Variants in SNX29 observed in about 807,000 individuals in gnomAD.
SNX29 encodes sorting nexin-29.
In SNX29, 78 loss-of-function variants were observed where a neutral mutation model predicts 102.1. The ratio of observed to expected loss-of-function variants is 0.76; its 90% CI spans 0.64 to 0.92. SNX29 has a LOEUF of 0.92. Among genes scored for constraint, SNX29 ranks in the 40% least tolerant of loss-of-function variants. The pLI, the probability that SNX29 is intolerant of heterozygous loss-of-function variation, is 0.00. For missense variants in SNX29, 1,280 were observed against 1,061.7 expected (o/e 1.21, Z -2.86); for synonymous variants, 580 against 414.5 (o/e 1.40, Z -4.85).
At chr16:12,362,553 TCCCC>T (rs1199911670) in intron 16 of SNX29, among the ~76,000 whole-genome samples, 1 of 11,052 alleles carries the variant, frequency 9.0e-5, no homozygotes, top group Non-Finnish European at 2.1e-4. Context: ...GCTGCTGCAC[TCCCC>T]CCCCACCCCC....
chr16:11,992,404 C>G (rs532694446), intron 1 of SNX29, among the ~76,000 whole-genome samples: 1 of 118,032 alleles, frequency 8.5e-6, no homozygotes, highest in South Asian at 2.5e-4. Flanking sequence ...GAGCAATCAG[C>G]CCTCTATCTA....
chr16:12,428,583 G>C (rs1300173310), intron 18 of SNX29, among the ~76,000 whole-genome samples: 1 of 151,980 alleles, frequency 6.6e-6, no homozygotes, highest in Admixed American at 6.6e-5. Context: ...TCTCCTCCTA[G>C]TTAGTCCCAA....
intron 13 of SNX29, among the ~76,000 whole-genome samples, chr16:12,178,166 A>C (rs1329300640): frequency 6.6e-6 from 1 of 152,182 alleles, no homozygotes; most frequent in Non-Finnish European, 1.5e-5. Context: ...CTGCAGGCTC[A>C]AGGGGACAAG....
intron 13 of SNX29, among the ~76,000 whole-genome samples, chr16:12,156,651 C>A (rs1307841907): frequency 6.6e-6 from 1 of 152,236 alleles, no homozygotes; most frequent in Non-Finnish European, 1.5e-5. Context: ...GTGCTGAGAG[C>A]CGTGTTTTGT....
intron 16 of SNX29, among the ~76,000 whole-genome samples, chr16:12,357,218 A>G (rs777890849): frequency 6.6e-6 from 1 of 152,182 alleles, no homozygotes; most frequent in Non-Finnish European, 1.5e-5. Context: ...AGGGTGAACA[A>G]TTATCCGTCA....
At chr16:12,200,613 G>T (rs1334981323) in intron 14 of SNX29, among the ~76,000 whole-genome samples, 4 of 152,030 alleles carry the variant, frequency 2.6e-5, no homozygotes, top group African/African-American at 4.8e-5. Context: ...CTCCCAAATA[G>T]CTGGGATTAC....
At chr16:12,562,119 G>C (rs751855513) in intron 20 of SNX29, among the ~76,000 whole-genome samples, 2 of 152,172 alleles carry the variant, frequency 1.3e-5, no homozygotes, top group Admixed American at 1.3e-4. Context: ...TCACTCTCCT[G>C]TGTGACCCCA....
At chr16:12,005,991 A>G (rs535012568) in intron 3 of SNX29, among the ~76,000 whole-genome samples, 3 of 152,256 alleles carry the variant, frequency 2.0e-5, no homozygotes, top group Admixed American at 6.5e-5. Context: ...TTAAAAAGTT[A>G]ATTCTTTCTG....
At chr16:12,073,922 A>G (rs1349606665) in intron 10 of SNX29, among the ~76,000 whole-genome samples, 2 of 151,972 alleles carry the variant, frequency 1.3e-5, no homozygotes, top group Non-Finnish European at 1.5e-5. Context: ...CCATTATGTA[A>G]TGGCCTTCTT....
chr16:12,001,791 G>T (rs1035787803), intron 2 of SNX29, among the ~76,000 whole-genome samples: 4 of 152,128 alleles, frequency 2.6e-5, no homozygotes, highest in African/African-American at 9.7e-5. Context: ...GTTGGGGCAG[G>T]AGGATATCTT....
chr16:12,297,138 C>G (rs949394688), intron 15 of SNX29: 1 of 152,334 alleles, frequency 6.6e-6, no homozygotes, highest in South Asian at 2.1e-4. Context: ...GGTTAGGGGT[C>G]GGAGGCTGGA....
intron 14 of SNX29, among the ~76,000 whole-genome samples, chr16:12,225,392 G>A (rs143604471): frequency 2.0e-5 from 3 of 152,166 alleles, no homozygotes; most frequent in South Asian, 2.1e-4. Context: ...TCATGGGAGC[G>A]GGTCTTTCCC....
At chr16:12,567,369 A>AAC (rs2079055484) in intron 20 of SNX29, among the ~76,000 whole-genome samples, 3 of 152,162 alleles carry the variant, frequency 2.0e-5, no homozygotes, top group Admixed American at 2.0e-4. Flanking sequence ...CTTGTTTTAA[A>AAC]ACATTTTATC....
At chr16:12,539,732 A>G (rs1279577370) in intron 20 of SNX29, among the ~76,000 whole-genome samples, 1 of 152,200 alleles carries the variant, frequency 6.6e-6, no homozygotes, top group Non-Finnish European at 1.5e-5. Flanking sequence ...GCTGTTCACA[A>G]GGATGCAGAA....
intron 20 of SNX29, among the ~76,000 whole-genome samples, chr16:12,541,924 C>G (rs143338268): frequency 4.6e-5 from 7 of 152,178 alleles, no homozygotes; most frequent in African/African-American, 1.7e-4. Flanking sequence ...TGATTGCCCA[C>G]GGTACATCCT....
intron 13 of SNX29, among the ~76,000 whole-genome samples, chr16:12,159,147 A>G (rs2055677128): frequency 1.3e-5 from 2 of 152,190 alleles, no homozygotes; most frequent in African/African-American, 4.8e-5. Flanking sequence ...CGTCTAACAA[A>G]GGGTTTCTTT....
intron 2 of SNX29, among the ~76,000 whole-genome samples, chr16:12,002,174 G>T (rs549122399): frequency 9.9e-5 from 15 of 152,034 alleles, no homozygotes; most frequent in Non-Finnish European, 1.9e-4. Context: ...AGGGCCGGGC[G>T]CATTGGCTCA....
intron 18 of SNX29, among the ~76,000 whole-genome samples, chr16:12,457,000 C>T (rs980706996): frequency 2.0e-5 from 3 of 152,144 alleles, no homozygotes; most frequent in Non-Finnish European, 4.4e-5. Flanking sequence ...TTGTGATACT[C>T]GAGGCTTCCT....
chr16:12,394,051 G>T (rs750806705), intron 16 of SNX29, among the ~76,000 whole-genome samples: 16 of 152,192 alleles, frequency 1.1e-4, no homozygotes, highest in Non-Finnish European at 2.1e-4. Context: ...TCCCAGAGAT[G>T]GAAAAGGACC....
Sources: allele counts gnomAD v4.1 joint callset (sites outside exome capture counted in the v4.1 genomes callset), GRCh38; gene constraint gnomAD v4.1.1; transcripts MANE v1.5; gene names NCBI Gene and HGNC (gene_info 2026-07-23, HGNC 2026-07-21).